The following ZNF804A variants were observed in gnomAD, a reference collection of about 807,000 sequenced individuals.
ZNF804A encodes the protein zinc finger protein 804A.
A neutral mutation model predicts 16.5 loss-of-function variants in ZNF804A; 2 were observed. The observed-to-expected ratio is 0.12, with a 90% CI of 0.05 to 0.38. The LOEUF is 0.38. ZNF804A is among the 10% of genes least tolerant of loss of function. ZNF804A has a pLI of 0.99. For synonymous variants in ZNF804A, 534 were observed against 489.6 expected, an observed-to-expected ratio of 1.09 and a Z score of -1.20; for missense variants, 1,473 against 1,390.7, an observed-to-expected ratio of 1.06 and a Z score of -0.94.
At chr2:184,862,085 C>T (rs1270393982) in intron 1 of ZNF804A, among the ~76,000 whole-genome samples, 1 of 152,118 alleles carries the variant, frequency 6.6e-6, no homozygotes, top group Non-Finnish European at 1.5e-5. Flanking sequence ...CATAGTTCAA[C>T]CTAGAATGGC....
intron 2 of ZNF804A, among the ~76,000 whole-genome samples, chr2:184,924,819 T>C (rs1174533687): frequency 6.6e-6 from 1 of 151,982 alleles, no homozygotes; most frequent in African/African-American, 2.4e-5. Context: ...AAGGAGCATA[T>C]TGTTTCATTT....
intron 1 of ZNF804A, among the ~76,000 whole-genome samples, chr2:184,600,976 A>G (rs1232260490): frequency 6.6e-6 from 1 of 152,176 alleles, no homozygotes; most frequent in Non-Finnish European, 1.5e-5. Context: ...AAGAACAAAC[A>G]AGGATAAAAT....
At chr2:184,685,929 C>T (rs1241378040) in intron 1 of ZNF804A, among the ~76,000 whole-genome samples, 1 of 152,240 alleles carries the variant, frequency 6.6e-6, no homozygotes, top group Non-Finnish European at 1.5e-5. Flanking sequence ...GCCAAGCTGC[C>T]CTCAGCCTCT....
At chr2:184,702,383 A>C (rs977791633) in intron 1 of ZNF804A, among the ~76,000 whole-genome samples, 1 of 152,122 alleles carries the variant, frequency 6.6e-6, no homozygotes, top group Non-Finnish European at 1.5e-5. Flanking sequence ...TTAGCTCTTC[A>C]GGCAGTCATC....
At chr2:184,880,191 C>T (rs1302695967) in intron 2 of ZNF804A, among the ~76,000 whole-genome samples, 2 of 151,874 alleles carry the variant, frequency 1.3e-5, no homozygotes, top group African/African-American at 4.8e-5. Context: ...AGATTTGTCA[C>T]TGTTAAGAGG....
chr2:184,931,897 C>T (rs965756844), intron 2 of ZNF804A, among the ~76,000 whole-genome samples: 1 of 152,176 alleles, frequency 6.6e-6, no homozygotes, highest in Admixed American at 6.5e-5. Flanking sequence ...CCTAACTCAC[C>T]TCTTGCATGC....
rs1692680733 is a variant in ZNF804A, at chr2:184,688,674, T to A, written c.111+89604T>A. Among the ~76,000 whole-genome samples, 3 of 152,156 alleles carry A rather than the reference T, an allele frequency of 2.0e-5. No homozygotes were observed. In the South Asian group the frequency reaches 6.2e-4, roughly 31 times the overall value. ...CAAGGGATATAAAACTATATTTGAT[T>A]TCTTGAAAAGCTTTTTTGAATGAGA... On this transcript the variant is annotated intron_variant, in intron 1 of 3. Coordinates refer to ENST00000302277, the MANE Select transcript of ZNF804A (RefSeq NM_194250.2).
chr2:184,790,873 G>A lies in ZNF804A; in HGVS notation c.112-75496G>A, dbSNP rs1694529706. Among the ~76,000 whole-genome samples the A allele has an allele frequency of 2.0e-5, 3 of 152,152 alleles. 1 individual carries two copies. The South Asian group carries it at 6.2e-4, about 32-fold the overall frequency. ...CCACCTCGGCCTCCCAAAGTGCTGGGATTATAGGCGTGAGCCACTGCGCCC... is the reference window on the plus strand; with the variant it reads ...CCACCTCGGCCTCCCAAAGTGCTGGAATTATAGGCGTGAGCCACTGCGCCC... On this transcript the variant is annotated intron_variant, in intron 1 of 3. Transcript: ENST00000302277.
At chr2:184,668,516 G>A (rs948490080) in intron 1 of ZNF804A, among the ~76,000 whole-genome samples, 1 of 151,916 alleles carries the variant, frequency 6.6e-6, no homozygotes, top group African/African-American at 2.4e-5. Flanking sequence ...GAAAATGTAT[G>A]ATTTTCTTTT....
At chr2:184,909,964 A>AT (rs1174468436) in intron 2 of ZNF804A, among the ~76,000 whole-genome samples, 1 of 151,818 alleles carries the variant, frequency 6.6e-6, no homozygotes, top group Non-Finnish European at 1.5e-5. Context: ...TTCATTTTCT[A>AT]TTTTTTTATT....
intron 1 of ZNF804A, among the ~76,000 whole-genome samples, chr2:184,683,093 C>A (rs931295586): frequency 6.6e-6 from 1 of 152,010 alleles, no homozygotes; most frequent in Admixed American, 6.6e-5. Context: ...ATTTGAATTG[C>A]AGCATGTATT....
chr2:184,785,181 A>G (rs967072017), intron 1 of ZNF804A, among the ~76,000 whole-genome samples: 1 of 151,908 alleles, frequency 6.6e-6, no homozygotes, highest in African/African-American at 2.4e-5. Context: ...TACCCTCCTT[A>G]TCCCCCTGCT....
chr2:184,646,320 G>A (rs764045566), intron 1 of ZNF804A, among the ~76,000 whole-genome samples: 14 of 152,280 alleles, frequency 9.2e-5, no homozygotes, highest in Non-Finnish European at 1.6e-4. Flanking sequence ...GTTTCTCTTC[G>A]GCAGTGAGAC....
At chr2:184,718,092 A>G (rs1186417179) in intron 1 of ZNF804A, among the ~76,000 whole-genome samples, 2 of 152,220 alleles carry the variant, frequency 1.3e-5, no homozygotes, top group African/African-American at 2.4e-5. Context: ...TTACAGTTAC[A>G]CATGGCTGGG....
intron 1 of ZNF804A, among the ~76,000 whole-genome samples, chr2:184,625,799 A>G (rs1559111373): frequency 6.6e-6 from 1 of 152,192 alleles, no homozygotes; most frequent in East Asian, 1.9e-4. Context: ...AACACAATTT[A>G]CTATACTTGA....
At chr2:184,611,541 C>G (rs558612369) in intron 1 of ZNF804A, among the ~76,000 whole-genome samples, 41 of 152,208 alleles carry the variant, frequency 2.7e-4, no homozygotes, top group Non-Finnish European at 5.0e-4. Flanking sequence ...GGGAAGCTTG[C>G]TCTTTTGGGA....
intron 1 of ZNF804A, among the ~76,000 whole-genome samples, chr2:184,722,551 G>A (rs1408757928): frequency 6.6e-6 from 1 of 151,950 alleles, no homozygotes; most frequent in Non-Finnish European, 1.5e-5. Flanking sequence ...GAAAAGTCCA[G>A]AGTTACCTTC....
intron 1 of ZNF804A, among the ~76,000 whole-genome samples, chr2:184,780,875 A>G (rs1694361688): frequency 6.6e-6 from 1 of 151,714 alleles, no homozygotes; most frequent in Non-Finnish European, 1.5e-5. Flanking sequence ...GGAGCTATCA[A>G]TTAGTTATTT....
At chr2:184,766,195 A>G (rs568143927) in intron 1 of ZNF804A, among the ~76,000 whole-genome samples, 2 of 152,248 alleles carry the variant, frequency 1.3e-5, no homozygotes, top group South Asian at 2.1e-4. Flanking sequence ...AAACACACCA[A>G]ATTAATTCAT....
Sources: allele counts gnomAD v4.1 joint callset (sites outside exome capture counted in the v4.1 genomes callset), GRCh38; gene constraint gnomAD v4.1.1; transcripts MANE v1.5; gene names NCBI Gene and HGNC (gene_info 2026-07-23, HGNC 2026-07-21).